PTPN9: variants seen among roughly 807,000 people sequenced by gnomAD.
PTPN9 encodes the protein tyrosine-protein phosphatase non-receptor type 9.
A neutral mutation model predicts 69.8 loss-of-function variants in PTPN9; 26 were observed. The observed-to-expected ratio is 0.37, with a 90% CI of 0.27 to 0.52. The LOEUF (loss-of-function observed/expected upper bound fraction) is 0.52, where lower values mean the gene tolerates loss of function less well. PTPN9 is among the 20% of genes least tolerant of loss of function. The pLI is 0.91. For synonymous variants in PTPN9, 274 were observed against 272.5 expected (o/e 1.01, Z -0.05); for missense variants, 549 against 740.3 (o/e 0.74, Z 3.00).
intron 7 of PTPN9, among the ~76,000 whole-genome samples, chr15:75,494,327 C>T (rs755684727): frequency 6.6e-6 from 1 of 151,840 alleles, no homozygotes; most frequent in Non-Finnish European, 1.5e-5. Flanking sequence ...AAAAGAGGAC[C>T]TACACTAAGG....
chr15:75,506,053 T>G, intron 6 of PTPN9, 50 bp from the exon 7 acceptor site: 3 of 1,380,434 alleles, frequency 2.2e-6, no homozygotes, highest in Non-Finnish European at 3.0e-6. Context: ...GGGAAAGGCA[T>G]ATAGAGTGAC....
intron 1 of PTPN9, among the ~76,000 whole-genome samples, chr15:75,544,810 A>AT (rs1002287504): frequency 1.6e-4 from 24 of 150,080 alleles, no homozygotes; most frequent in Non-Finnish European, 2.2e-4. Context: ...CTTTGGTAAC[A>AT]TTTTTTTTTT....
intron 8 of PTPN9, among the ~76,000 whole-genome samples, chr15:75,483,668 T>A (rs1227071799): frequency 6.6e-6 from 1 of 152,188 alleles, no homozygotes; most frequent in Non-Finnish European, 1.5e-5. Context: ...GCCATTGACT[T>A]ATATACTTTA....
At chr15:75,494,236 G>C (rs2074727338) in intron 7 of PTPN9, among the ~76,000 whole-genome samples, 1 of 151,408 alleles carries the variant, frequency 6.6e-6, no homozygotes, top group African/African-American at 2.4e-5. Context: ...TTAAAACACA[G>C]TGTAATAAGA....
At chr15:75,564,301 T>C (rs978895901) in intron 1 of PTPN9, among the ~76,000 whole-genome samples, 2 of 151,914 alleles carry the variant, frequency 1.3e-5, no homozygotes, top group Admixed American at 6.6e-5. Flanking sequence ...AAAATAAAAA[T>C]GACACCACAT....
intron 1 of PTPN9, among the ~76,000 whole-genome samples, chr15:75,549,751 G>A (rs2075048894): frequency 1.3e-5 from 2 of 152,142 alleles, no homozygotes; most frequent in Non-Finnish European, 2.9e-5. Flanking sequence ...GGGGCGGAAG[G>A]ATTGCTTGAG....
chr15:75,530,310 G>A (rs987452425), intron 1 of PTPN9, among the ~76,000 whole-genome samples: 40 of 140,430 alleles, frequency 2.8e-4, no homozygotes, highest in Admixed American at 1.8e-3. Context: ...GCCAAGGCAG[G>A]AAGATCACTT....
chr15:75,538,089 C>A (rs1229811748), intron 1 of PTPN9, among the ~76,000 whole-genome samples: 1 of 149,050 alleles, frequency 6.7e-6, no homozygotes, highest in African/African-American at 2.4e-5. Context: ...AAAACACACA[C>A]ACACACAAAG....
chr15:75,475,455 T>G (rs1389314013), intron 9 of PTPN9, among the ~76,000 whole-genome samples: 1 of 152,104 alleles, frequency 6.6e-6, no homozygotes, highest in Admixed American at 6.6e-5. Context: ...GGCAGGTGCC[T>G]GTAATCCCAG....
chr15:75,541,004 A>AG (rs1221999987), intron 1 of PTPN9, among the ~76,000 whole-genome samples: 2 of 151,874 alleles, frequency 1.3e-5, no homozygotes, highest in Non-Finnish European at 2.9e-5. Flanking sequence ...ACTTGAGCCT[A>AG]GGAGGTCCAG....
In PTPN9 at chr15:75,530,592, TTATTA is replaced by T. The variant is rs1414735249; in HGVS notation, c.64-3336_64-3332del. ...ATATTATAATATACTATAATATATA[TTATTA>T]TATTATAATATACTATAATATATAT... On this transcript the variant is annotated intron_variant, in intron 1 of 12. Transcript: ENST00000618819. Among the ~76,000 whole-genome samples the T allele has an allele frequency of 7.3e-3, 589 of 80,546 alleles. 20 individuals carry two copies. Among genetic ancestry groups the T allele is most frequent in the Non-Finnish European group, 0.012 (524 of 45,186 alleles). The allele number at this position is 80,546 out of a possible 152,430, so 52.8% of individuals were successfully genotyped here.
At chr15:75,476,538 T>A (rs969388932) in intron 9 of PTPN9, among the ~76,000 whole-genome samples, 6 of 152,106 alleles carry the variant, frequency 3.9e-5, no homozygotes, top group African/African-American at 1.2e-4. Flanking sequence ...TGGTTTCAAA[T>A]ACCTGACCTC....
At chr15:75,483,363 G>A (rs1366542089) in intron 8 of PTPN9, among the ~76,000 whole-genome samples, 1 of 152,174 alleles carries the variant, frequency 6.6e-6, no homozygotes, top group Admixed American at 6.5e-5. Context: ...CCATACAATG[G>A]AATATTATTT....
intron 3 of PTPN9, among the ~76,000 whole-genome samples, chr15:75,523,789 C>T (rs2074915192): frequency 6.6e-6 from 1 of 152,152 alleles, no homozygotes; most frequent in African/African-American, 2.4e-5. Flanking sequence ...ACTGATTTTC[C>T]ATAATTCAAT....
At chr15:75,562,132 C>T (rs1054192460) in intron 1 of PTPN9, among the ~76,000 whole-genome samples, 29 of 152,286 alleles carry the variant, frequency 1.9e-4, no homozygotes, top group Middle Eastern at 3.4e-3. Context: ...GGATTACAGG[C>T]ATGACCCACT....
At chr15:75,485,846 A>G (rs919902757) in intron 8 of PTPN9, among the ~76,000 whole-genome samples, 1 of 150,728 alleles carries the variant, frequency 6.6e-6, no homozygotes, top group Non-Finnish European at 1.5e-5. Context: ...CACGCCTGTA[A>G]TCCCAGCACT....
rs191924809 is a variant in PTPN9 at position 75,477,574 on chromosome 15, G to A, written c.1129+2274C>T. Among the ~76,000 whole-genome samples, 647 of 152,200 alleles carry A rather than the reference G, an allele frequency of 4.3e-3. 2 individuals carry two copies. The highest frequency in any genetic ancestry group is 7.2e-3 in the Non-Finnish European group (488 of 68,022). ...CATGTCACTGCACTCCAGCCTGGGC[G>A]ACAGAGCGAAACTCCATCTCAAAAC... is the stretch of plus-strand genomic sequence containing the variant. On this transcript the variant is annotated intron_variant, in intron 9 of 12. Coordinates refer to ENST00000618819, the MANE Select transcript of PTPN9 (RefSeq NM_002833.4).
At chr15:75,526,632 TA>T (rs952846348) in intron 2 of PTPN9, among the ~76,000 whole-genome samples, 1 of 152,202 alleles carries the variant, frequency 6.6e-6, no homozygotes, top group African/African-American at 2.4e-5. Flanking sequence ...TACATTTGCA[TA>T]AAGATACTTT....
chr15:75,558,923 G>C (rs1297175760), intron 1 of PTPN9, among the ~76,000 whole-genome samples: 1 of 151,802 alleles, frequency 6.6e-6, no homozygotes, highest in African/African-American at 2.4e-5. Context: ...CCAAAGTGCC[G>C]AGATTGCAGC....
Sources: gnomAD v4.1 joint callset for allele counts (sites outside exome capture counted in the v4.1 genomes callset) on GRCh38, gnomAD v4.1.1 for gene constraint, MANE v1.5 for transcripts, NCBI Gene and HGNC (gene_info 2026-07-23, HGNC 2026-07-21) for gene names.